The following DLG2 variants were observed in gnomAD, a reference collection of about 807,000 sequenced individuals.
The protein encoded by DLG2 is disks large homolog 2.
DLG2 carries 45 observed loss-of-function variants against 132.5 expected under a neutral mutation model. The observed-to-expected ratio is 0.34, with a 90% CI of 0.27 to 0.44. The LOEUF (loss-of-function observed/expected upper bound fraction) is 0.44, where lower values mean the gene tolerates loss of function less well. Among genes scored for constraint, DLG2 ranks in the 20% least tolerant of loss-of-function variants. DLG2 has a pLI of 1.00. For missense variants in DLG2, 1,045 were observed against 1,196.9 expected (o/e 0.87, Z 1.87); for synonymous variants, 424 against 419.6 (o/e 1.01, Z -0.13).
At chr11:84,741,127 C>A (rs1393222681) in intron 6 of DLG2, among the ~76,000 whole-genome samples, 1 of 126,668 alleles carries the variant, frequency 7.9e-6, no homozygotes, top group Non-Finnish European at 1.6e-5. Context: ...AGTGCTGTGG[C>A]GCGATCTCCG....
intron 7 of DLG2, among the ~76,000 whole-genome samples, chr11:84,524,838 CAT>C (rs2099315231): frequency 6.7e-6 from 1 of 150,088 alleles, no homozygotes; most frequent in African/African-American, 2.4e-5. Context: ...AAATGTAACT[CAT>C]AGGGTATTTC....
intron 6 of DLG2, among the ~76,000 whole-genome samples, chr11:84,705,017 G>T (rs2059640063): frequency 6.6e-6 from 1 of 151,414 alleles, no homozygotes; most frequent in South Asian, 2.1e-4. Context: ...ATTTGAGGTG[G>T]CTTGCTAGTT....
intron 7 of DLG2, among the ~76,000 whole-genome samples, chr11:84,289,940 G>C (rs953305324): frequency 2.6e-4 from 39 of 152,066 alleles, no homozygotes; most frequent in Non-Finnish European, 5.0e-4. Flanking sequence ...CCAGAATATA[G>C]TAATGCATTA....
chr11:83,472,645 A>T (rs576224494), intron 23 of DLG2, 82 bp downstream of exon 23: 11 of 1,220,346 alleles, frequency 9.0e-6, no homozygotes, highest in Admixed American at 3.8e-5. Flanking sequence ...TATTCTCCTT[A>T]GTCCTTCACT....
At chr11:84,475,050 C>G (rs574301013) in intron 7 of DLG2, among the ~76,000 whole-genome samples, 37 of 152,026 alleles carry the variant, frequency 2.4e-4, no homozygotes, top group Non-Finnish European at 4.6e-4. Flanking sequence ...TTGCTATGAC[C>G]ATAAAATCTG....
chr11:85,587,345 G>T (rs1177191901), intron 3 of DLG2, among the ~76,000 whole-genome samples: 1 of 151,980 alleles, frequency 6.6e-6, no homozygotes, highest in African/African-American at 2.4e-5. Context: ...CATTTCTTAG[G>T]TCTAGTAATA....
intron 3 of DLG2, among the ~76,000 whole-genome samples, chr11:85,400,042 G>A (rs948174062): frequency 1.3e-5 from 2 of 151,530 alleles, no homozygotes; most frequent in Admixed American, 1.3e-4. Flanking sequence ...TCTGACAAAG[G>A]GCTAATATCC....
rs773039496 is a variant in DLG2 at position 84,983,254 on chromosome 11, C to T, written c.357+128407G>A. Among the ~76,000 whole-genome samples the T allele has an allele frequency of 6.2e-4, 95 of 152,082 alleles. 1 individual carries two copies. Among genetic ancestry groups the T allele is most frequent in the African/African-American group, 2.1e-3 (86 of 41,396 alleles). On this transcript the variant is annotated intron_variant, in intron 6 of 27. Coordinates refer to ENST00000376104, the MANE Select transcript of DLG2 (RefSeq NM_001142699.3). ...GATTGCTCCTGAAGGACCCAGGAGA[C>T]GCCCCAAATACTGTGCTGGTATCCA...
At chr11:84,914,498 CTAAGTA>C in intron 6 of DLG2, among the ~76,000 whole-genome samples, 1 of 152,298 alleles carries the variant, frequency 6.6e-6, no homozygotes, top group Non-Finnish European at 1.5e-5. Flanking sequence ...ATGAAGTCTT[CTAAGTA>C]TAAGCACCCC....
intron 15 of DLG2, among the ~76,000 whole-genome samples, chr11:83,913,412 A>T (rs2076396776): frequency 6.6e-6 from 1 of 152,140 alleles, no homozygotes; most frequent in Non-Finnish European, 1.5e-5. Flanking sequence ...TTCCAGGCAC[A>T]TTGCTGGCAC....
At chr11:84,118,874 G>A (rs1426072068) in intron 9 of DLG2, among the ~76,000 whole-genome samples, 1 of 152,146 alleles carries the variant, frequency 6.6e-6, no homozygotes. Flanking sequence ...GTTCTATCTT[G>A]TACTTTAGGC....
rs572828091 is a variant in DLG2, at chr11:84,846,332, T to C, written c.357+265329A>G. 1.8e-4 allele frequency among the ~76,000 whole-genome samples: 27 copies of C among 152,254 alleles called. No homozygotes were observed. The South Asian group carries it at 5.4e-3, about 30-fold the overall frequency. Reference sequence around the variant, plus strand: ...TGCCTCAAACCTCTTTTCTACCCCATGTAGAGGTAAATGGAACCATCTTTC... The same window carrying C: ...TGCCTCAAACCTCTTTTCTACCCCACGTAGAGGTAAATGGAACCATCTTTC... On this transcript the variant is annotated intron_variant, in intron 6 of 27. Coordinates refer to ENST00000376104, the MANE Select transcript of DLG2 (RefSeq NM_001142699.3).
chr11:85,544,690 C>T (rs541393399), intron 3 of DLG2, among the ~76,000 whole-genome samples: 1 of 152,278 alleles, frequency 6.6e-6, no homozygotes, highest in South Asian at 2.1e-4. Context: ...TGTAGTTCTC[C>T]TTGAAGAGAT....
intron 8 of DLG2, among the ~76,000 whole-genome samples, chr11:84,219,904 G>T (rs1228105221): frequency 6.6e-6 from 1 of 152,022 alleles, no homozygotes; most frequent in South Asian, 2.1e-4. Context: ...CTTATTTTTG[G>T]CTGTTGATGT....
At chr11:85,516,280 C>T (rs1416323312) in intron 3 of DLG2, among the ~76,000 whole-genome samples, 3 of 151,840 alleles carry the variant, frequency 2.0e-5, no homozygotes, top group African/African-American at 4.8e-5. Context: ...ACACCAAAAC[C>T]TCTGGGATAT....
chr11:84,806,342 A>G (rs996664691), intron 6 of DLG2, among the ~76,000 whole-genome samples: 3 of 152,192 alleles, frequency 2.0e-5, no homozygotes, highest in African/African-American at 7.2e-5. Flanking sequence ...GCAAAACCCA[A>G]ATAGGATAAA....
chr11:83,879,192 C>G (rs1180114142), intron 15 of DLG2, among the ~76,000 whole-genome samples: 1 of 152,152 alleles, frequency 6.6e-6, no homozygotes, highest in East Asian at 1.9e-4. Flanking sequence ...TTTTCTCCTT[C>G]TCTGAGGCAA....
At chr11:83,985,008 G>C (rs2093142402) in intron 11 of DLG2, among the ~76,000 whole-genome samples, 1 of 152,112 alleles carries the variant, frequency 6.6e-6, no homozygotes, top group Non-Finnish European at 1.5e-5. Flanking sequence ...GTTCATATGA[G>C]TGAGTGTAGT....
intron 6 of DLG2, among the ~76,000 whole-genome samples, chr11:84,811,644 C>T (rs1466960104): frequency 6.6e-6 from 1 of 152,110 alleles, no homozygotes; most frequent in Non-Finnish European, 1.5e-5. Context: ...AATAACATTT[C>T]TCCCCCACAT....
Sources: allele counts gnomAD v4.1 joint callset (sites outside exome capture counted in the v4.1 genomes callset), GRCh38; gene constraint gnomAD v4.1.1; transcripts MANE v1.5; gene names NCBI Gene and HGNC (gene_info 2026-07-23, HGNC 2026-07-21).